The following HS3ST4 variants were observed in gnomAD, a reference collection of about 807,000 sequenced individuals.
HS3ST4 encodes the protein heparan sulfate-glucosamine 3-sulfotransferase 4.
A neutral mutation model predicts 29.2 loss-of-function variants in HS3ST4; 17 were observed. The ratio of observed to expected loss-of-function variants is 0.58; its 90% CI spans 0.40 to 0.87. The LOEUF (loss-of-function observed/expected upper bound fraction) is 0.87, where lower values mean the gene tolerates loss of function less well. HS3ST4 is among the 40% of genes least tolerant of loss of function. The pLI, the probability that HS3ST4 is intolerant of heterozygous loss-of-function variation, is 0.00. For missense variants in HS3ST4, 627 were observed against 634.5 expected, an observed-to-expected ratio of 0.99 and a Z score of 0.13; for synonymous variants, 314 against 285.7, an observed-to-expected ratio of 1.10 and a Z score of -1.00.
intron 1 of HS3ST4, among the ~76,000 whole-genome samples, chr16:25,996,728 A>G (rs1428156733): frequency 1.3e-5 from 2 of 152,140 alleles, no homozygotes; most frequent in South Asian, 2.1e-4. Flanking sequence ...CTATTTGGCT[A>G]TTTGGGGAAA....
At chr16:26,053,894 C>G (rs1898375099) in intron 1 of HS3ST4, among the ~76,000 whole-genome samples, 2 of 152,204 alleles carry the variant, frequency 1.3e-5, no homozygotes, top group South Asian at 4.1e-4. Context: ...ACTCATAAAA[C>G]ATGCCTATCA....
chr16:25,987,840 G>A (rs1969078743), intron 1 of HS3ST4, among the ~76,000 whole-genome samples: 1 of 152,026 alleles, frequency 6.6e-6, no homozygotes, highest in Admixed American at 6.5e-5. Context: ...ACACAATCCC[G>A]GCTCACTGCA....
At chr16:26,092,147 C>T (rs189871658) in intron 1 of HS3ST4, among the ~76,000 whole-genome samples, 1 of 152,244 alleles carries the variant, frequency 6.6e-6, no homozygotes, top group East Asian at 1.9e-4. Context: ...ATCTTGGGAC[C>T]TCTAGAACTC....
chr16:25,705,717 G>C (rs994077385), intron 1 of HS3ST4, among the ~76,000 whole-genome samples: 3 of 151,982 alleles, frequency 2.0e-5, no homozygotes, highest in Non-Finnish European at 4.4e-5. Flanking sequence ...GAAGCTGAAG[G>C]TGGAATCAGA....
At chr16:26,089,091 G>A (rs1263588178) in intron 1 of HS3ST4, among the ~76,000 whole-genome samples, 1 of 152,202 alleles carries the variant, frequency 6.6e-6, no homozygotes, top group Non-Finnish European at 1.5e-5. Context: ...ACGCACACAT[G>A]CAAGTGTATG....
chr16:25,935,136 T>C (rs1968506181), intron 1 of HS3ST4, among the ~76,000 whole-genome samples: 1 of 152,178 alleles, frequency 6.6e-6, no homozygotes, highest in Non-Finnish European at 1.5e-5. Flanking sequence ...TGATTGTAAG[T>C]TTCCTGAGGC....
chr16:25,697,095 G>A (rs1378422299), intron 1 of HS3ST4, among the ~76,000 whole-genome samples: 1 of 152,162 alleles, frequency 6.6e-6, no homozygotes, highest in Non-Finnish European at 1.5e-5. Flanking sequence ...CATATACCCT[G>A]TGTTCATTCA....
intron 1 of HS3ST4, among the ~76,000 whole-genome samples, chr16:25,970,862 T>C (rs1431282574): frequency 2.0e-5 from 3 of 151,944 alleles, no homozygotes; most frequent in South Asian, 2.1e-4. Context: ...CCTTTCTTTC[T>C]TTTTTTGAGA....
intron 1 of HS3ST4, among the ~76,000 whole-genome samples, chr16:25,697,675 A>C (rs1427387702): frequency 6.6e-6 from 1 of 152,088 alleles, no homozygotes; most frequent in African/African-American, 2.4e-5. Flanking sequence ...TCTGAAGAGG[A>C]GCCTGGGAGT....
intron 1 of HS3ST4, among the ~76,000 whole-genome samples, chr16:25,952,224 C>T (rs1200554242): frequency 6.6e-6 from 1 of 152,130 alleles, no homozygotes; most frequent in Non-Finnish European, 1.5e-5. Context: ...AACAGTTTTC[C>T]AGGCTTGGTC....
intron 1 of HS3ST4, among the ~76,000 whole-genome samples, chr16:25,710,360 C>A (rs1193725092): frequency 6.6e-6 from 1 of 152,116 alleles, no homozygotes; most frequent in Non-Finnish European, 1.5e-5. Flanking sequence ...CTGGGGGAAC[C>A]TGAGGACCTT....
chr16:25,834,390 A>G (rs1967336432), intron 1 of HS3ST4, among the ~76,000 whole-genome samples: 1 of 152,222 alleles, frequency 6.6e-6, no homozygotes, highest in Non-Finnish European at 1.5e-5. Flanking sequence ...TCTGGCATTG[A>G]GGTGCAAAAA....
intron 1 of HS3ST4, among the ~76,000 whole-genome samples, chr16:25,749,414 G>A (rs1324096323): frequency 6.6e-6 from 1 of 152,130 alleles, no homozygotes. Flanking sequence ...AGGATCACCT[G>A]AACCTGGGAA....
chr16:25,969,319 A>G (rs1192434051), intron 1 of HS3ST4, among the ~76,000 whole-genome samples: 5 of 152,212 alleles, frequency 3.3e-5, no homozygotes, highest in African/African-American at 1.2e-4. Flanking sequence ...CCTGGCTGGA[A>G]TAGACATTTT....
chr16:25,853,419 C>T (rs570146978), intron 1 of HS3ST4, among the ~76,000 whole-genome samples: 1 of 151,958 alleles, frequency 6.6e-6, no homozygotes, highest in South Asian at 2.1e-4. Context: ...ATTTCTCTTG[C>T]TGGGATTTCT....
chr16:25,693,288 G>GAGCAACGCCGCCAGGGTTT, intron 1 of HS3ST4, 137 bp downstream of exon 1: 1 of 954,482 alleles, frequency 1.0e-6, no homozygotes, highest in East Asian at 3.1e-5. Context: ...TGCAAACCCT[G>GAGCAACGCCGCCAGGGTTT]GCGGCGTTGC....
intron 1 of HS3ST4, among the ~76,000 whole-genome samples, chr16:25,734,746 G>A (rs549599686): frequency 6.6e-6 from 1 of 152,298 alleles, no homozygotes; most frequent in South Asian, 2.1e-4. Flanking sequence ...CCCTTTGTGT[G>A]ACACAGATGT....
intron 1 of HS3ST4, among the ~76,000 whole-genome samples, chr16:25,765,994 A>G (rs139613786): frequency 1.3e-5 from 2 of 152,272 alleles, no homozygotes; most frequent in East Asian, 3.9e-4. Context: ...AGAAGAGCAC[A>G]GTGCATTGAT....
At chr16:25,943,873 C>T (rs956939396) in intron 1 of HS3ST4, among the ~76,000 whole-genome samples, 2 of 152,072 alleles carry the variant, frequency 1.3e-5, no homozygotes, top group African/African-American at 2.4e-5. Flanking sequence ...CTTGTTTATC[C>T]TTATCTGCTT....
Sources: gnomAD v4.1 joint callset for allele counts (sites outside exome capture counted in the v4.1 genomes callset) on GRCh38, gnomAD v4.1.1 for gene constraint, MANE v1.5 for transcripts, NCBI Gene and HGNC (gene_info 2026-07-23, HGNC 2026-07-21) for gene names.